Variants in ROBO1 observed in about 807,000 individuals in gnomAD.
ROBO1 encodes the protein roundabout guidance receptor 1, also known as roundabout homolog 1.
ROBO1 carries 149 observed loss-of-function variants against 195.9 expected under a neutral mutation model. The ratio of observed to expected loss-of-function variants is 0.76; its 90% confidence interval spans 0.67 to 0.87. The LOEUF is 0.87. ROBO1 is among the 40% of genes least tolerant of loss of function. ROBO1 has a pLI of 0.00. For missense variants in ROBO1, 1,933 were observed against 2,068.3 expected (o/e 0.93, Z 1.27); for synonymous variants, 816 against 733.2 (o/e 1.11, Z -1.82).
intron 1 of ROBO1, among the ~76,000 whole-genome samples, chr3:79,727,038 A>G (rs571442478): frequency 3.5e-4 from 53 of 152,354 alleles, no homozygotes; most frequent in African/African-American, 1.3e-3. Flanking sequence ...ATGACCTGTC[A>G]TTAATGTCAT....
chr3:78,664,690 A>G (rs934007523), intron 14 of ROBO1, among the ~76,000 whole-genome samples: 16 of 152,158 alleles, frequency 1.1e-4, no homozygotes, highest in Non-Finnish European at 1.9e-4. Context: ...ACACTTGGGG[A>G]AGATTCTTTT....
chr3:79,723,719 A>G (rs563910455), intron 1 of ROBO1, among the ~76,000 whole-genome samples: 13 of 152,298 alleles, frequency 8.5e-5, no homozygotes, highest in African/African-American at 3.1e-4. Flanking sequence ...CAATTTAATC[A>G]CACAGTAAGA....
intron 2 of ROBO1, among the ~76,000 whole-genome samples, chr3:79,342,704 G>T (rs1043213901): frequency 2.0e-5 from 3 of 152,036 alleles, no homozygotes; most frequent in African/African-American, 4.8e-5. Flanking sequence ...TCAACACAGG[G>T]CTCGGGAAAA....
intron 2 of ROBO1, among the ~76,000 whole-genome samples, chr3:79,219,150 A>G (rs1374697712): frequency 6.6e-6 from 1 of 152,140 alleles, no homozygotes; most frequent in Non-Finnish European, 1.5e-5. Flanking sequence ...ACTATATTTA[A>G]GAATGCCTAG....
intron 4 of ROBO1, among the ~76,000 whole-genome samples, chr3:78,869,526 T>C (rs1259640048): frequency 6.6e-6 from 1 of 152,186 alleles, no homozygotes; most frequent in Non-Finnish European, 1.5e-5. Flanking sequence ...TGGCATGACA[T>C]GGCTCACTGC....
chr3:79,491,306 T>C (rs1302799646), intron 2 of ROBO1, among the ~76,000 whole-genome samples: 2 of 152,084 alleles, frequency 1.3e-5, no homozygotes, highest in Non-Finnish European at 2.9e-5. Flanking sequence ...ACTTTCATTT[T>C]TGGCTTGCTG....
intron 3 of ROBO1, among the ~76,000 whole-genome samples, chr3:78,992,180 C>T (rs986903509): frequency 1.3e-5 from 2 of 152,098 alleles, no homozygotes; most frequent in Non-Finnish European, 2.9e-5. Flanking sequence ...ATATGCCTTC[C>T]TAATGGATTT....
At chr3:79,091,916 A>G (rs2079486134) in intron 3 of ROBO1, among the ~76,000 whole-genome samples, 1 of 152,158 alleles carries the variant, frequency 6.6e-6, no homozygotes, top group African/African-American at 2.4e-5. Flanking sequence ...GGTCCACCTC[A>G]GGTATCAGAG....
intron 2 of ROBO1, among the ~76,000 whole-genome samples, chr3:79,129,607 G>T (rs189128448): frequency 1.9e-4 from 29 of 151,910 alleles, no homozygotes; most frequent in Non-Finnish European, 3.2e-4. Flanking sequence ...TAAATGTTTG[G>T]GTTTTTAAAC....
chr3:79,078,412 T>G (rs2079213211), intron 3 of ROBO1, among the ~76,000 whole-genome samples: 1 of 151,764 alleles, frequency 6.6e-6, no homozygotes, highest in Admixed American at 6.6e-5. Flanking sequence ...ATGGGTATTT[T>G]TTTGGGGGTC....
intron 4 of ROBO1, among the ~76,000 whole-genome samples, chr3:78,850,132 G>A (rs2033959829): frequency 6.6e-6 from 1 of 152,072 alleles, no homozygotes; most frequent in African/African-American, 2.4e-5. Context: ...GTTTGTATAA[G>A]CACATTCTAG....
chr3:79,468,478 T>G (rs559634733), intron 2 of ROBO1, among the ~76,000 whole-genome samples: 1 of 152,278 alleles, frequency 6.6e-6, no homozygotes, highest in South Asian at 2.1e-4. Context: ...CTATATTTCA[T>G]AGTAATTAAA....
chr3:79,633,818 TTTC>T (rs1169145791), intron 1 of ROBO1, among the ~76,000 whole-genome samples: 2 of 152,152 alleles, frequency 1.3e-5, no homozygotes, highest in Non-Finnish European at 2.9e-5. Flanking sequence ...GCTAAAAATC[TTTC>T]TTGTTTGGTA....
chr3:79,451,801 G>A (rs116560615), intron 2 of ROBO1, among the ~76,000 whole-genome samples: 1,563 of 152,034 alleles, frequency 0.01, 23 homozygotes, highest in African/African-American at 0.034. Flanking sequence ...AGGAAACATA[G>A]AGAAAGGGAA....
chr3:79,141,449 A>C (rs1576727702), intron 2 of ROBO1, among the ~76,000 whole-genome samples: 1 of 152,232 alleles, frequency 6.6e-6, no homozygotes, highest in East Asian at 1.9e-4. Context: ...TTTAAAGGTC[A>C]CAGGGATTAG....
intron 8 of ROBO1, among the ~76,000 whole-genome samples, chr3:78,706,823 G>A (rs917626367): frequency 6.6e-6 from 1 of 152,138 alleles, no homozygotes; most frequent in African/African-American, 2.4e-5. Flanking sequence ...AAAATAAGTA[G>A]GATTTTGTGA....
At chr3:79,282,842 C>A (rs1378216600) in intron 2 of ROBO1, among the ~76,000 whole-genome samples, 1 of 152,104 alleles carries the variant, frequency 6.6e-6, no homozygotes, top group African/African-American at 2.4e-5. Flanking sequence ...ACCAGAGATA[C>A]TACTCCTGAG....
chr3:79,171,728 T>C (rs559880574), intron 2 of ROBO1, among the ~76,000 whole-genome samples: 1 of 152,224 alleles, frequency 6.6e-6, no homozygotes, highest in East Asian at 1.9e-4. Flanking sequence ...CTAACTTTCA[T>C]GTTAAAACTG....
intron 3 of ROBO1, among the ~76,000 whole-genome samples, chr3:78,987,666 G>T (rs1189968049): frequency 6.6e-6 from 1 of 152,004 alleles, no homozygotes; most frequent in African/African-American, 2.4e-5. Context: ...AAAATAGTTA[G>T]AAAGAATGAA....
Sources: gnomAD v4.1 joint callset for allele counts (sites outside exome capture counted in the v4.1 genomes callset) on GRCh38, gnomAD v4.1.1 for gene constraint, MANE v1.5 for transcripts, NCBI Gene and HGNC (gene_info 2026-07-23, HGNC 2026-07-21) for gene names.